The following XG variants were observed in gnomAD, a reference collection of about 807,000 sequenced individuals.
XG encodes glycoprotein Xg.
In XG, 24 loss-of-function variants were observed where a neutral mutation model predicts 25.7. The ratio of observed to expected loss-of-function variants is 0.93; its 90% CI spans 0.68 to 1.31. The LOEUF (loss-of-function observed/expected upper bound fraction) is 1.31. Ranked by LOEUF, XG falls within the 40% of genes most tolerant of loss-of-function variation. The pLI is 0.00. For missense variants in XG, 181 were observed against 187.6 expected (o/e 0.96, Z 0.21); for synonymous variants, 77 against 69.2 (o/e 1.11, Z -0.56).
intron 4 of XG, among the ~76,000 whole-genome samples, chrX:2,785,090 G>A: frequency 8.9e-6 from 1 of 111,975 alleles, no homozygotes; most frequent in Middle Eastern, 4.6e-3. Flanking sequence ...GGAAATGCGG[G>A]ACAACTGGAA....
rs1400339298 is a variant in XG, at chrX:2,789,707, G to A, written c.253+1G>A. 1 of 1,039,454 alleles carries A rather than the reference G, an allele frequency of 9.6e-7. No homozygotes were observed. Among genetic ancestry groups the A allele is most frequent in the Admixed American group, 3.3e-5 (1 of 30,153 alleles). 85.7% of individuals were successfully genotyped at this position (1,039,454 alleles called of 1,213,427 possible). A position where few individuals can be genotyped will look rare whatever the true frequency, so the allele number is the denominator to read the frequency against. On this transcript the variant is annotated splice_donor_variant, in intron 5 of 10. Transcript: ENST00000644266. LOFTEE classifies it high-confidence loss of function. Reference sequence around the variant, plus strand: ...CCTGGCAATTCCGGCAACAGTGGAGGTAATGAGTATTTATTTATTTATTTT... The same window carrying A: ...CCTGGCAATTCCGGCAACAGTGGAGATAATGAGTATTTATTTATTTATTTT...
intron 4 of XG, 75 bp from the exon 5 acceptor site, chrX:2,789,569 C>T: frequency 1.5e-6 from 1 of 658,711 alleles, no homozygotes; most frequent in Non-Finnish European, 2.3e-6. Context: ...TGTACTTTGG[C>T]ATTCTTATTT....
intron 4 of XG, among the ~76,000 whole-genome samples, chrX:2,784,520 A>C (rs753480248): frequency 9.5e-6 from 1 of 105,762 alleles, no homozygotes; most frequent in Non-Finnish European, 1.9e-5. Context: ...TAGCAAGCTG[A>C]GATGGCGCCA....
chrX:2,806,516 G>A (rs755095083), intron 7 of XG, among the ~76,000 whole-genome samples, 185 bp from the exon 8 acceptor site: 25 of 110,589 alleles, frequency 2.3e-4, no homozygotes, highest in Non-Finnish European at 4.3e-4. Context: ...TTCAGCCACC[G>A]GTGTAAACAG....
intron 3 of XG, among the ~76,000 whole-genome samples, chrX:2,780,423 T>TC (rs1356713170): frequency 2.5e-3 from 294 of 119,358 alleles, no homozygotes; most frequent in African/African-American, 7.6e-3. Flanking sequence ...TTTTTTTTTT[T>TC]CTAAAAAAAA....
chrX:2,774,763 A>C (rs1448249718), intron 3 of XG, 24 bp downstream of exon 3: 2 of 1,613,910 alleles, frequency 1.2e-6, no homozygotes, highest in African/African-American at 1.3e-5. Flanking sequence ...CAGCTGGGAA[A>C]AACTGAGGCA....
Position 2,815,623 on chromosome X carries a change from T to G in XG, c.*1243T>G, listed in dbSNP as rs1434059244. 9.0e-6 allele frequency: 1 copy of G among 111,097 alleles called. No homozygotes were observed. The highest frequency in any genetic ancestry group is 1.9e-5 in the Non-Finnish European group (1 of 52,981). 9.2% of individuals were successfully genotyped at this position (111,097 alleles called of 1,213,427 possible). On this transcript the variant is annotated 3_prime_UTR_variant, in exon 11 of 11. Transcript: ENST00000644266. ...CAAATGTGGATTCATGCATCATTTG[T>G]GCAGTTTGAAGATAGTCCATATTTC...
chrX:2,794,389 C>T (rs1406779404), intron 5 of XG, 146 bp from the exon 6 acceptor site: 1 of 608,589 alleles, frequency 1.6e-6, no homozygotes, highest in African/African-American at 2.3e-5. Flanking sequence ...AATTTAATTC[C>T]TGGTGCCTGT....
intron 10 of XG, among the ~76,000 whole-genome samples, chrX:2,813,829 A>G (rs1281778856): frequency 1.8e-5 from 2 of 112,917 alleles, no homozygotes; most frequent in Non-Finnish European, 3.7e-5. Flanking sequence ...ACCAAAAAGG[A>G]AGTTACTCAA....
chrX:2,755,402 G>A (rs775463093), intron 1 of XG, among the ~76,000 whole-genome samples: 159 of 152,262 alleles, frequency 1.0e-3, no homozygotes, highest in Non-Finnish European at 2.0e-3. Flanking sequence ...TGGTGGGAGG[G>A]TAACACTGAG....
In XG at chrX:2,815,968, A is replaced by C. The variant is rs560534561; in HGVS notation, c.*1588A>C. 1.4e-3 allele frequency: 154 copies of C among 112,396 alleles called. 1 individual carries two copies. The highest frequency in any genetic ancestry group is 4.8e-3 in the African/African-American group (148 of 30,999). 9.3% of individuals were successfully genotyped at this position (112,396 alleles called of 1,213,427 possible). On this transcript the variant is annotated 3_prime_UTR_variant, in exon 11 of 11. Transcript: ENST00000644266. ...GAATAGTTTTTTTCTATATTTCACA[A>C]ATAAATTGTATGAAATGACTGTAGA...
At chrX:2,772,839 C>T (rs2124456771) in intron 2 of XG, among the ~76,000 whole-genome samples, 2 of 152,296 alleles carry the variant, frequency 1.3e-5, no homozygotes, top group East Asian at 3.9e-4. Context: ...CGTTTTGCTA[C>T]CAAGAGCCCC....
chrX:2,797,178 G>C (rs1279237157), intron 6 of XG, 132 bp from the exon 7 acceptor site: 6 of 645,127 alleles, frequency 9.3e-6, no homozygotes, highest in Non-Finnish European at 1.5e-5. Context: ...GTCACTCTTT[G>C]GAGCTCTCTT....
At chrX:2,808,632 A>C in intron 9 of XG, 5 of 664,459 alleles carry the variant, frequency 7.5e-6, no homozygotes, top group Non-Finnish European at 7.2e-6. Context: ...ATCCCGTCTC[A>C]GGTCAAAGGA....
At chrX:2,799,722 C>T (rs1298483080) in intron 7 of XG, among the ~76,000 whole-genome samples, 1 of 111,332 alleles carries the variant, frequency 9.0e-6, no homozygotes, top group Non-Finnish European at 1.9e-5. Context: ...TGTAGCTTTT[C>T]ATCTTGTAGC....
At chrX:2,779,808 A>G (rs865898329) in intron 3 of XG, among the ~76,000 whole-genome samples, 10 of 152,072 alleles carry the variant, frequency 6.6e-5, no homozygotes, top group Middle Eastern at 3.4e-3. Flanking sequence ...CACCACCCCC[A>G]GCTAATTTTT....
intron 2 of XG, among the ~76,000 whole-genome samples, chrX:2,771,338 G>A (rs376210038): frequency 1.3e-5 from 2 of 152,066 alleles, no homozygotes; most frequent in African/African-American, 4.8e-5. Context: ...ACTTCATTCC[G>A]TTCTCCCCTC....
In XG at chrX:2,779,388, A is replaced by AAAT. The variant is rs745575099; in HGVS notation, c.128-2659_128-2657dup. On this transcript the variant is annotated intron_variant, in intron 3 of 10. Coordinates refer to ENST00000644266, the MANE Select transcript of XG (RefSeq NM_001141919.2). ...AATGGGTTAGCCTATGTCTACATTT[A>AAAT]AATAATAATAATAATAATAATGTTC... Among the ~76,000 whole-genome samples, 564 of 151,252 alleles carry AAAT rather than the reference A, an allele frequency of 3.7e-3. 2 individuals carry two copies. Among genetic ancestry groups the AAAT allele is most frequent in the African/African-American group, 0.011 (457 of 41,254 alleles).
At chrX:2,758,370 G>T (rs1320960386) in intron 1 of XG, among the ~76,000 whole-genome samples, 1 of 152,144 alleles carries the variant, frequency 6.6e-6, no homozygotes, top group Non-Finnish European at 1.5e-5. Context: ...TTGGGAGCTG[G>T]GAGACCTGCA....
Sources: allele counts gnomAD v4.1 joint callset (sites outside exome capture counted in the v4.1 genomes callset), GRCh38; gene constraint gnomAD v4.1.1; transcripts MANE v1.5; gene names NCBI Gene and HGNC (gene_info 2026-07-23, HGNC 2026-07-21).